Variants in AGBL1 observed in about 807,000 individuals in gnomAD.
The protein encoded by AGBL1 is cytosolic carboxypeptidase 4.
In AGBL1, 130 loss-of-function variants were observed where a neutral mutation model predicts 118.9. The observed-to-expected ratio is 1.09, with a 90% CI of 0.95 to 1.26. The LOEUF (loss-of-function observed/expected upper bound fraction) is 1.26. Ranked by LOEUF, AGBL1 falls within the 50% of genes most tolerant of loss-of-function variation. AGBL1 has a pLI of 0.00. For missense variants in AGBL1, 1,584 were observed against 1,298.1 expected, an observed-to-expected ratio of 1.22 and a Z score of -3.38; for synonymous variants, 555 against 478.9, an observed-to-expected ratio of 1.16 and a Z score of -2.08.
intron 22 of AGBL1, among the ~76,000 whole-genome samples, chr15:86,784,337 G>T (rs12905488): frequency 0.41 from 61,815 of 151,980 alleles, 14,768 homozygotes; most frequent in Non-Finnish European, 0.57. Flanking sequence ...TGAACTGGTC[G>T]AATGAAAACA....
intron 22 of AGBL1, among the ~76,000 whole-genome samples, chr15:86,704,353 C>A (rs927516210): frequency 1.3e-5 from 2 of 152,072 alleles, no homozygotes; most frequent in African/African-American, 4.8e-5. Context: ...AACAGGCACC[C>A]TACAGAATAG....
chr15:86,429,926 A>G (rs907131774), intron 18 of AGBL1, among the ~76,000 whole-genome samples: 3 of 152,196 alleles, frequency 2.0e-5, no homozygotes, highest in Non-Finnish European at 4.4e-5. Context: ...TCAGCTCTTT[A>G]GCCTGCAGTG....
At chr15:86,335,809 G>T (rs905811326) in intron 17 of AGBL1, among the ~76,000 whole-genome samples, 1 of 152,164 alleles carries the variant, frequency 6.6e-6, no homozygotes, top group Admixed American at 6.5e-5. Context: ...GTGTTAAATA[G>T]GGGAGATCAC....
intron 22 of AGBL1, among the ~76,000 whole-genome samples, chr15:86,764,014 T>C (rs998127241): frequency 1.3e-5 from 2 of 151,858 alleles, no homozygotes; most frequent in Non-Finnish European, 2.9e-5. Context: ...CCTGAGATAA[T>C]TGGGTAGGGA....
intron 18 of AGBL1, among the ~76,000 whole-genome samples, chr15:86,407,211 G>T (rs1038801906): frequency 1.3e-5 from 2 of 152,114 alleles, no homozygotes; most frequent in Non-Finnish European, 2.9e-5. Context: ...AAAGTAAACT[G>T]TTTAATTTCA....
chr15:86,954,481 G>A (rs1396852317), intron 23 of AGBL1, among the ~76,000 whole-genome samples: 3 of 152,168 alleles, frequency 2.0e-5, no homozygotes. Flanking sequence ...TAGAAAGATT[G>A]AAATCATGTC....
intron 5 of AGBL1, among the ~76,000 whole-genome samples, chr15:86,221,005 G>T (rs911339063): frequency 3.3e-5 from 5 of 151,996 alleles, no homozygotes; most frequent in African/African-American, 1.2e-4. Flanking sequence ...TTTGAGACCA[G>T]CCTAGCCAAC....
At chr15:86,943,000 C>G (rs1484305443) in intron 23 of AGBL1, among the ~76,000 whole-genome samples, 1 of 152,322 alleles carries the variant, frequency 6.6e-6, no homozygotes, top group Middle Eastern at 3.4e-3. Flanking sequence ...TCACTGTTAA[C>G]TGCTCAACTC....
intron 17 of AGBL1, among the ~76,000 whole-genome samples, chr15:86,327,586 T>G (rs2080202719): frequency 6.6e-6 from 1 of 152,144 alleles, no homozygotes; most frequent in South Asian, 2.1e-4. Flanking sequence ...AGCAGAAGTG[T>G]TTGTATATGC....
At chr15:86,187,403 G>A (rs182585554) in intron 5 of AGBL1, among the ~76,000 whole-genome samples, 2 of 152,280 alleles carry the variant, frequency 1.3e-5, no homozygotes, top group East Asian at 3.9e-4. Flanking sequence ...CCTTCTCTGG[G>A]ATTCCAGGAC....
At chr15:86,310,648 C>T (rs1209283260) in intron 17 of AGBL1, among the ~76,000 whole-genome samples, 2 of 152,150 alleles carry the variant, frequency 1.3e-5, no homozygotes, top group South Asian at 2.1e-4. Context: ...AGGGGCTGAA[C>T]GAGCACCTCT....
chr15:86,872,829 T>A (rs1402430810), intron 22 of AGBL1, among the ~76,000 whole-genome samples: 1 of 152,226 alleles, frequency 6.6e-6, no homozygotes, highest in African/African-American at 2.4e-5. Context: ...GCAATCCTGT[T>A]TTTTATTTAT....
At chr15:86,448,265 T>C (rs2082150838) in intron 18 of AGBL1, among the ~76,000 whole-genome samples, 1 of 152,216 alleles carries the variant, frequency 6.6e-6, no homozygotes, top group African/African-American at 2.4e-5. Context: ...AGTATTTGGA[T>C]TTGTTAGCCA....
chr15:86,622,567 TTGAA>T (rs1261020671), intron 21 of AGBL1, among the ~76,000 whole-genome samples: 3 of 152,076 alleles, frequency 2.0e-5, no homozygotes, highest in African/African-American at 7.2e-5. Flanking sequence ...ATGGAGCACT[TTGAA>T]TGGCAGGAGA....
chr15:86,973,944 A>C (rs2081138348), intron 23 of AGBL1, among the ~76,000 whole-genome samples: 1 of 143,602 alleles, frequency 7.0e-6, no homozygotes, highest in Admixed American at 7.1e-5. Flanking sequence ...AAACATATTT[A>C]ATATATTAAA....
Position 86,876,679 on chromosome 15 carries a change from C to T in AGBL1, c.3159-30408C>T, listed in dbSNP as rs911203866. Among the ~76,000 whole-genome samples, 7 of 152,180 alleles carry T rather than the reference C, an allele frequency of 4.6e-5. 1 individual carries two copies. Among genetic ancestry groups the T allele is most frequent in the Admixed American group, 2.0e-4 (3 of 15,286 alleles). On this transcript the variant is annotated intron_variant, in intron 22 of 22. Transcript: ENST00000614907. ...TCTGTCTTGCTATCATTCAACTCTG[C>T]CCTTGTAGCACAAAAGCAGCCACAG...
chr15:86,190,678 C>T (rs902150426), intron 5 of AGBL1, among the ~76,000 whole-genome samples: 3 of 152,022 alleles, frequency 2.0e-5, no homozygotes, highest in Non-Finnish European at 4.4e-5. Context: ...CTTACAATAC[C>T]CTTACCTCCA....
At chr15:86,454,987 C>T (rs2082242213) in intron 18 of AGBL1, among the ~76,000 whole-genome samples, 1 of 152,178 alleles carries the variant, frequency 6.6e-6, no homozygotes, top group Admixed American at 6.5e-5. Context: ...CGTCTGTCTA[C>T]AGGCAGACTA....
intron 22 of AGBL1, among the ~76,000 whole-genome samples, chr15:86,770,173 C>A (rs1021206453): frequency 6.6e-6 from 1 of 151,880 alleles, no homozygotes; most frequent in East Asian, 1.9e-4. Flanking sequence ...AAAGCATAGA[C>A]AGATAATCTA....
Sources: gnomAD v4.1 joint callset for allele counts (sites outside exome capture counted in the v4.1 genomes callset) on GRCh38, gnomAD v4.1.1 for gene constraint, MANE v1.5 for transcripts, NCBI Gene and HGNC (gene_info 2026-07-23, HGNC 2026-07-21) for gene names.